Variants in SMARCAD1 observed in about 807,000 individuals in gnomAD.
SMARCAD1 encodes the protein SNF2 related chromatin remodeling ATPase with DExD box 1.
In SMARCAD1, 25 loss-of-function variants were observed where a neutral mutation model predicts 127.1. The ratio of observed to expected loss-of-function variants is 0.20; its 90% confidence interval spans 0.14 to 0.27. The LOEUF (loss-of-function observed/expected upper bound fraction) is 0.27, where lower values mean the gene tolerates loss of function less well. Ranked by LOEUF, SMARCAD1 falls within the 10% of genes least tolerant of loss-of-function variation. The probability of loss-of-function intolerance (pLI) is 1.00; values close to 1 mark genes in which losing one functional copy is unlikely to be tolerated. For missense variants in SMARCAD1, 807 were observed against 1,206.0 expected (o/e 0.67, Z 4.90); for synonymous variants, 400 against 396.9 (o/e 1.01, Z -0.09).
chr4:94,283,060 C>G (rs1364981528), intron 21 of SMARCAD1, 61 bp from the exon 22 acceptor site: 3 of 1,382,278 alleles, frequency 2.2e-6, no homozygotes, highest in Non-Finnish European at 3.0e-6. Context: ...TGATTGTTTT[C>G]CATTTTAATT....
chr4:94,244,343 A>G (rs563334362), intron 6 of SMARCAD1, among the ~76,000 whole-genome samples: 11 of 152,366 alleles, frequency 7.2e-5, no homozygotes, highest in South Asian at 6.2e-4. Context: ...TGGCTGTCAG[A>G]CATAACTATT....
At chr4:94,243,599 T>G (rs1747944344) in intron 6 of SMARCAD1, among the ~76,000 whole-genome samples, 1 of 152,190 alleles carries the variant, frequency 6.6e-6, no homozygotes, top group South Asian at 2.1e-4. Flanking sequence ...GTGAATTTAT[T>G]CCAGTGTTAA....
intron 6 of SMARCAD1, among the ~76,000 whole-genome samples, chr4:94,244,979 G>A (rs1014017555): frequency 6.6e-6 from 1 of 152,112 alleles, no homozygotes; most frequent in Non-Finnish European, 1.5e-5. Flanking sequence ...TTGCAGAAGT[G>A]GTTACAGAAT....
chr4:94,282,992 A>T, intron 21 of SMARCAD1, 129 bp from the exon 22 acceptor site: 1 of 750,900 alleles, frequency 1.3e-6, no homozygotes, highest in Non-Finnish European at 2.2e-6. Flanking sequence ...CCAGAGGAGA[A>T]ATAACTGCAA....
chr4:94,277,257 G>C lies in SMARCAD1; in HGVS notation c.2082+98G>C. ...CTTTTGTTGTTTTCATAGTGCATAT[G>C]CTCTATGAAGTAACTTTAAGTAGGT... is the stretch of plus-strand genomic sequence containing the variant. On this transcript the variant is annotated intron_variant, in intron 16 of 23. Coordinates refer to ENST00000354268, the MANE Select transcript of SMARCAD1 (RefSeq NM_020159.5). 1.5e-6 allele frequency: 2 copies of C among 1,362,698 alleles called. 1 individual carries two copies. The highest frequency in any genetic ancestry group is 2.4e-5 in the South Asian group (2 of 85,054). 84.4% of individuals were successfully genotyped at this position (1,362,698 alleles called of 1,614,324 possible).
chr4:94,256,659 G>A (rs543787241), intron 9 of SMARCAD1, among the ~76,000 whole-genome samples: 4 of 152,130 alleles, frequency 2.6e-5, no homozygotes, highest in Non-Finnish European at 5.9e-5. Context: ...CACTGCATCT[G>A]GTCCTTTGCT....
Position 94,233,991 on chromosome 4 carries a change from C to T in SMARCAD1, c.406C>T (p.Pro136Ser), listed in dbSNP as rs762344277. ...TGAAGATGAAGAGTCCCAAGGCCTT[C>T]CTACCATGGCACGTAGAAATGATGA... ...PSEDEESQGLPTMARRNDDIS... is the reference protein window; with the variant it reads ...PSEDEESQGLSTMARRNDDIS... Residue 136 changes from proline (P) to serine (S), a missense_variant, in exon 4 of 24, where the codon CCT (proline) becomes TCT (serine). Pro to Ser is a moderately conservative substitution (Grantham distance 74). This residue lies in a region of SMARCAD1 where 175 missense variants were observed against 169.5 expected (regional missense o/e 1.03). Coordinates refer to ENST00000354268, the MANE Select transcript of SMARCAD1 (RefSeq NM_020159.5). The T allele has an allele frequency of 2.6e-5, 42 of 1,613,648 alleles. No homozygotes were observed. In the Admixed American group the frequency reaches 6.5e-4, roughly 25 times the overall value.
chr4:94,213,585 G>A (rs1481125300), intron 2 of SMARCAD1, among the ~76,000 whole-genome samples: 1 of 150,712 alleles, frequency 6.6e-6, no homozygotes, highest in Non-Finnish European at 1.5e-5. Flanking sequence ...TGAAGCTGTT[G>A]TATTCATTGA....
intron 9 of SMARCAD1, among the ~76,000 whole-genome samples, chr4:94,256,440 G>T (rs1435026722): frequency 6.6e-6 from 1 of 152,090 alleles, no homozygotes; most frequent in Non-Finnish European, 1.5e-5. Flanking sequence ...TCAGCTCACT[G>T]CAACCTCCAC....
intron 10 of SMARCAD1, among the ~76,000 whole-genome samples, chr4:94,268,311 G>A (rs1280925939): frequency 2.0e-5 from 3 of 152,058 alleles, no homozygotes; most frequent in Non-Finnish European, 4.4e-5. Context: ...TATTTTGACA[G>A]TTAAATAGAC....
At chr4:94,265,886 A>G (rs763572875) in intron 10 of SMARCAD1, among the ~76,000 whole-genome samples, 2 of 152,068 alleles carry the variant, frequency 1.3e-5, no homozygotes, top group African/African-American at 2.4e-5. Context: ...GTAGGATCTC[A>G]TTAAAATTAA....
intron 6 of SMARCAD1, among the ~76,000 whole-genome samples, chr4:94,246,242 C>T (rs528780945): frequency 6.6e-6 from 1 of 152,120 alleles, no homozygotes; most frequent in South Asian, 2.1e-4. Context: ...ACCTCAGCCT[C>T]CCGAGTAGCT....
At chr4:94,212,148 T>G (rs150687355) in intron 2 of SMARCAD1, among the ~76,000 whole-genome samples, 1 of 152,268 alleles carries the variant, frequency 6.6e-6, no homozygotes, top group African/African-American at 2.4e-5. Context: ...TGGGCATTAT[T>G]AGTACTTTAT....
intron 9 of SMARCAD1, among the ~76,000 whole-genome samples, chr4:94,261,645 CTCTA>C (rs1751003465): frequency 6.6e-6 from 1 of 152,324 alleles, no homozygotes; most frequent in African/African-American, 2.4e-5. Flanking sequence ...CGGGGTCTCA[CTCTA>C]TCACCCAGGC....
At chr4:94,219,579 A>G (rs1456018079) in intron 2 of SMARCAD1, among the ~76,000 whole-genome samples, 1 of 152,152 alleles carries the variant, frequency 6.6e-6, no homozygotes, top group Non-Finnish European at 1.5e-5. Flanking sequence ...CATACCACTC[A>G]TACCACTGGT....
rs1377759409 is a variant in SMARCAD1 at position 94,291,004 on chromosome 4, T to C, written c.*1470T>C. ...GGTATATTGAACAGACTGAATATAT[T>C]TTACCATTACAGGGCTAAAAGGAGT... On this transcript the variant is annotated 3_prime_UTR_variant, in exon 24 of 24. Transcript: ENST00000354268. 2.2e-6 allele frequency: 1 copy of C among 445,392 alleles called. No individual in the cohort carries two copies. Among genetic ancestry groups the C allele is most frequent in the Non-Finnish European group, 4.5e-6 (1 of 223,186 alleles). 27.6% of individuals were successfully genotyped at this position (445,392 alleles called of 1,614,324 possible).
intron 9 of SMARCAD1, 87 bp downstream of exon 9, chr4:94,253,094 G>A: frequency 6.3e-7 from 1 of 1,589,248 alleles, no homozygotes; most frequent in Non-Finnish European, 8.5e-7. Flanking sequence ...TTCAGCCCAG[G>A]TAAGCATAGA....
intron 23 of SMARCAD1, among the ~76,000 whole-genome samples, chr4:94,288,683 T>C (rs982491226): frequency 5.3e-5 from 8 of 152,132 alleles, no homozygotes; most frequent in Non-Finnish European, 1.2e-4. Flanking sequence ...GTGGTTAGTT[T>C]TGCTACATTT....
intron 9 of SMARCAD1, among the ~76,000 whole-genome samples, chr4:94,256,944 G>C (rs1750189987): frequency 6.6e-6 from 1 of 152,014 alleles, no homozygotes; most frequent in Admixed American, 6.6e-5. Context: ...TGGTAAGTGG[G>C]GATTTAATGA....
Sources: gnomAD v4.1 joint callset for allele counts (sites outside exome capture counted in the v4.1 genomes callset) on GRCh38, gnomAD v4.1.1 for gene constraint, gnomAD v4.1.1 regional missense constraint, MANE v1.5 for transcripts, NCBI Gene and HGNC (gene_info 2026-07-23, HGNC 2026-07-21) for gene names.